EDIL3: variants seen among roughly 807,000 people sequenced by gnomAD.
The protein encoded by EDIL3 is EGF-like repeat and discoidin I-like domain-containing protein 3.
EDIL3 carries 37 observed loss-of-function variants against 67.4 expected under a neutral mutation model. The ratio of observed to expected loss-of-function variants is 0.55; its 90% CI spans 0.42 to 0.72. The LOEUF is 0.72. Among genes scored for constraint, EDIL3 ranks in the 30% least tolerant of loss-of-function variants. The probability of loss-of-function intolerance (pLI) is 0.00; values close to 1 mark genes in which losing one functional copy is unlikely to be tolerated. For missense variants in EDIL3, 527 were observed against 586.3 expected (o/e 0.90, Z 1.04); for synonymous variants, 195 against 196.3 (o/e 0.99, Z 0.05).
chr5:84,065,423 T>C lies in EDIL3; in HGVS notation c.808-579A>G, dbSNP rs549015135. Among the ~76,000 whole-genome samples the C allele has an allele frequency of 3.9e-5, 6 of 152,308 alleles. No individual in the cohort carries two copies. In the East Asian group the frequency reaches 9.6e-4, roughly 24 times the overall value. ...AAAATTCAAGTACTATAATGTGTCA[T>C]TGTAAATTCATTAAGGCTTATTCTT... On this transcript the variant is annotated intron_variant, in intron 7 of 10. Transcript: ENST00000296591.
chr5:84,177,362 A>T (rs1433814737), intron 4 of EDIL3, among the ~76,000 whole-genome samples: 1 of 152,232 alleles, frequency 6.6e-6, no homozygotes, highest in Non-Finnish European at 1.5e-5. Context: ...ATGTGATTTC[A>T]ATTACATGAC....
chr5:84,133,860 G>A (rs1748041836), intron 5 of EDIL3, among the ~76,000 whole-genome samples: 1 of 151,826 alleles, frequency 6.6e-6, no homozygotes, highest in Non-Finnish European at 1.5e-5. Context: ...TAAATTGTAT[G>A]AATCACATCT....
rs192177872 is a variant in EDIL3, at chr5:84,336,129, C to G, written c.67+48179G>C. ...TTAGGAGGACACATTCAGAGCATAG[C>G]AGAGGGCATATTTGAACTGGCTCTT... On this transcript the variant is annotated intron_variant, in intron 1 of 10. Transcript: ENST00000296591. 1.5e-3 allele frequency among the ~76,000 whole-genome samples: 226 copies of G among 152,238 alleles called. 1 individual carries two copies. The highest frequency in any genetic ancestry group is 6.0e-3 in the Admixed American group (92 of 15,298).
At chr5:84,070,648 T>TGTGTGTGTGTGTG (rs1746723872) in intron 6 of EDIL3, among the ~76,000 whole-genome samples, 2 of 149,504 alleles carry the variant, frequency 1.3e-5, no homozygotes, top group African/African-American at 5.0e-5. Flanking sequence ...TGTGTGTGTG[T>TGTGTGTGTGTGTG]TTAAATCTAA....
chr5:84,364,319 C>T (rs1747683974), intron 1 of EDIL3, among the ~76,000 whole-genome samples: 1 of 152,102 alleles, frequency 6.6e-6, no homozygotes, highest in South Asian at 2.1e-4. Context: ...AGAATTTGCC[C>T]AGTCACAAGG....
At chr5:83,987,301 A>G (rs1745072609) in intron 9 of EDIL3, among the ~76,000 whole-genome samples, 1 of 152,182 alleles carries the variant, frequency 6.6e-6, no homozygotes, top group Admixed American at 6.6e-5. Context: ...TATTACCAAT[A>G]CATAATTTGT....
At chr5:84,235,072 T>A (rs1291949524) in intron 2 of EDIL3, among the ~76,000 whole-genome samples, 1 of 152,086 alleles carries the variant, frequency 6.6e-6, no homozygotes, top group Non-Finnish European at 1.5e-5. Flanking sequence ...GGATATGGAG[T>A]TGCCTGCGGA....
intron 4 of EDIL3, among the ~76,000 whole-genome samples, chr5:84,159,616 A>G (rs1334513853): frequency 6.6e-6 from 1 of 151,992 alleles, no homozygotes; most frequent in Non-Finnish European, 1.5e-5. Context: ...ATACTTAAGA[A>G]TTTATAAATT....
intron 1 of EDIL3, among the ~76,000 whole-genome samples, chr5:84,272,824 C>A (rs978219989): frequency 2.6e-5 from 4 of 152,010 alleles, no homozygotes; most frequent in Non-Finnish European, 5.9e-5. Flanking sequence ...ATTATCTTTG[C>A]AAATATAAGA....
intron 1 of EDIL3, among the ~76,000 whole-genome samples, chr5:84,383,753 C>T (rs1304869964): frequency 2.6e-5 from 4 of 152,166 alleles, no homozygotes; most frequent in Admixed American, 6.5e-5. Flanking sequence ...TGTGAGACTC[C>T]TCTCCACCTC....
At chr5:84,361,896 A>C (rs544440878) in intron 1 of EDIL3, among the ~76,000 whole-genome samples, 1 of 152,108 alleles carries the variant, frequency 6.6e-6, no homozygotes, top group African/African-American at 2.4e-5. Flanking sequence ...GAACCAACCG[A>C]TTATCTAAAC....
intron 6 of EDIL3, among the ~76,000 whole-genome samples, chr5:84,091,574 G>A (rs1747166684): frequency 6.6e-6 from 1 of 152,168 alleles, no homozygotes; most frequent in South Asian, 2.1e-4. Context: ...TTCAACACAA[G>A]GAGGTTTTCA....
At chr5:84,139,241 G>GA (rs61707939) in intron 4 of EDIL3, among the ~76,000 whole-genome samples, 1 of 129,852 alleles carries the variant, frequency 7.7e-6, no homozygotes, top group African/African-American at 2.8e-5. Flanking sequence ...TGTCTCGGGG[G>GA]AAAAAAAGTA....
rs149257338 is a variant in EDIL3, at chr5:84,358,347, A to G, written c.67+25961T>C. Among the ~76,000 whole-genome samples, 8 of 152,326 alleles carry G rather than the reference A, an allele frequency of 5.3e-5. No individual in the cohort carries two copies. The East Asian group carries it at 1.5e-3, about 29-fold the overall frequency. ...ACCTGCACCCTGCACCACATCAGGT[A>G]ATTCAGCCTACACAGAAGTTGCCCT... On this transcript the variant is annotated intron_variant, in intron 1 of 10. Coordinates refer to ENST00000296591, the MANE Select transcript of EDIL3 (RefSeq NM_005711.5).
intron 4 of EDIL3, among the ~76,000 whole-genome samples, chr5:84,162,011 T>A (rs1260588778): frequency 3.3e-5 from 5 of 152,158 alleles, no homozygotes; most frequent in African/African-American, 1.2e-4. Context: ...CCCAAGCACC[T>A]GATCACTGTC....
chr5:83,993,334 G>A (rs941027717), intron 9 of EDIL3, among the ~76,000 whole-genome samples: 1 of 152,072 alleles, frequency 6.6e-6, no homozygotes, highest in African/African-American at 2.4e-5. Flanking sequence ...CACTGTGCCT[G>A]GCCAAGGCAA....
intron 9 of EDIL3, among the ~76,000 whole-genome samples, chr5:84,019,669 T>C (rs1284343508): frequency 6.6e-6 from 1 of 152,142 alleles, no homozygotes; most frequent in Non-Finnish European, 1.5e-5. Context: ...AAGATCTTCA[T>C]TCCTCTCTTA....
chr5:84,126,515 TAGC>T (rs1272403068), intron 5 of EDIL3, among the ~76,000 whole-genome samples: 1 of 152,112 alleles, frequency 6.6e-6, no homozygotes, highest in Non-Finnish European at 1.5e-5. Context: ...CATTAAGTAG[TAGC>T]AGATCTACTA....
At chr5:84,312,695 G>A (rs1032956523) in intron 1 of EDIL3, among the ~76,000 whole-genome samples, 19 of 151,150 alleles carry the variant, frequency 1.3e-4, no homozygotes, top group African/African-American at 3.6e-4. Context: ...AGGCAGAGGC[G>A]CCCCTCACCT....
Sources: gnomAD v4.1 joint callset for allele counts (sites outside exome capture counted in the v4.1 genomes callset) on GRCh38, gnomAD v4.1.1 for gene constraint, MANE v1.5 for transcripts, NCBI Gene and HGNC (gene_info 2026-07-23, HGNC 2026-07-21) for gene names.